CSMD1: variants seen among roughly 807,000 people sequenced by gnomAD.
The protein encoded by CSMD1 is CUB and sushi domain-containing protein 1.
CSMD1 carries 213 observed loss-of-function variants against 417.5 expected under a neutral mutation model. The observed-to-expected ratio is 0.51, with a 90% CI of 0.46 to 0.57. The LOEUF is 0.57. Among genes scored for constraint, CSMD1 ranks in the 20% least tolerant of loss-of-function variants. The probability of loss-of-function intolerance (pLI) is 0.00; values close to 1 mark genes in which losing one functional copy is unlikely to be tolerated. For missense variants in CSMD1, 6,923 were observed against 4,529.7 expected (o/e 1.53, Z -15.17); for synonymous variants, 2,862 against 1,736.8 (o/e 1.65, Z -16.11).
At chr8:3,640,412 A>C (rs139024269) in intron 7 of CSMD1, among the ~76,000 whole-genome samples, 2 of 152,214 alleles carry the variant, frequency 1.3e-5, no homozygotes, top group Non-Finnish European at 2.9e-5. Context: ...GGTACATTGT[A>C]AAGACCAGAG....
intron 6 of CSMD1, among the ~76,000 whole-genome samples, chr8:3,733,755 A>G (rs73187246): frequency 0.081 from 12,311 of 152,106 alleles, 622 homozygotes; most frequent in African/African-American, 0.11. Context: ...AGTAACCCTT[A>G]TTTTACTTGT....
chr8:3,249,606 A>G (rs1800124316), intron 26 of CSMD1, among the ~76,000 whole-genome samples: 1 of 152,206 alleles, frequency 6.6e-6, no homozygotes, highest in African/African-American at 2.4e-5. Flanking sequence ...AAATACACAC[A>G]CACACATATA....
intron 5 of CSMD1, among the ~76,000 whole-genome samples, chr8:3,983,313 G>A (rs1041919304): frequency 1.3e-5 from 2 of 151,926 alleles, no homozygotes; most frequent in African/African-American, 2.4e-5. Context: ...TGTATTTTTA[G>A]TAGAGATGGG....
intron 2 of CSMD1, among the ~76,000 whole-genome samples, chr8:4,445,002 T>A (rs1798698628): frequency 6.6e-6 from 1 of 152,214 alleles, no homozygotes; most frequent in African/African-American, 2.4e-5. Flanking sequence ...TGCATTTGAT[T>A]TTCAGGTGTT....
intron 7 of CSMD1, among the ~76,000 whole-genome samples, chr8:3,622,089 C>G (rs551123451): frequency 2.0e-5 from 3 of 152,196 alleles, no homozygotes; most frequent in Admixed American, 6.6e-5. Flanking sequence ...TTTTCACAGT[C>G]TGCACTATGT....
intron 27 of CSMD1, among the ~76,000 whole-genome samples, chr8:3,226,296 G>A (rs1347233625): frequency 6.6e-6 from 1 of 152,046 alleles, no homozygotes; most frequent in Non-Finnish European, 1.5e-5. Context: ...GAATAAGGAA[G>A]TTGAAGCCGA....
chr8:3,603,631 T>C (rs1801468220), intron 8 of CSMD1, among the ~76,000 whole-genome samples: 1 of 152,206 alleles, frequency 6.6e-6, no homozygotes, highest in Non-Finnish European at 1.5e-5. Flanking sequence ...ACGGATTATG[T>C]CACAAAGGGG....
At chr8:4,236,667 CTTAT>C (rs1391160586) in intron 3 of CSMD1, among the ~76,000 whole-genome samples, 6 of 152,110 alleles carry the variant, frequency 3.9e-5, no homozygotes, top group Non-Finnish European at 2.9e-5. Flanking sequence ...GAATTGCATG[CTTAT>C]TTAAACTCTT....
intron 2 of CSMD1, among the ~76,000 whole-genome samples, chr8:4,573,133 G>A (rs905044943): frequency 8.5e-5 from 13 of 152,084 alleles, no homozygotes; most frequent in African/African-American, 2.4e-4. Context: ...TTCATCAAAC[G>A]CATTCCCTGT....
chr8:4,633,394 C>T (rs1023022114), intron 2 of CSMD1, among the ~76,000 whole-genome samples: 126 of 151,820 alleles, frequency 8.3e-4, no homozygotes, highest in African/African-American at 2.9e-3. Context: ...CTACAGGCGC[C>T]CACCACCACG....
At chr8:4,582,826 A>G (rs914854564) in intron 2 of CSMD1, among the ~76,000 whole-genome samples, 2 of 152,164 alleles carry the variant, frequency 1.3e-5, no homozygotes, top group African/African-American at 4.8e-5. Flanking sequence ...GGAGGTGTGG[A>G]GGGAGAGGCG....
In CSMD1 at chr8:4,420,005, C is replaced by A. The variant is rs542060953; in HGVS notation, c.363G>T (p.Trp121Cys). 5 of 1,589,010 alleles carry A rather than the reference C, an allele frequency of 3.1e-6. No individual in the cohort carries two copies. The highest frequency in any genetic ancestry group is 4.3e-6 in the Non-Finnish European group (5 of 1,166,706). Residue 121 changes from tryptophan to cysteine, a missense_variant, in exon 3 of 70, where the codon TGG becomes TGT. By Grantham distance (215) the Trp-to-Cys change is radical (BLOSUM62 -2). Coordinates refer to ENST00000635120, the MANE Select transcript of CSMD1 (RefSeq NM_033225.6). ...IVSTGSILTL[W>C]FTTDFAVSAQ... ...CACTCACAGCGAAGTCTGTCGTGAA[C>A]CACAGAGTGAGGATAGATCCTGTAC...
chr8:4,253,887 C>T (rs1336244364), intron 3 of CSMD1, among the ~76,000 whole-genome samples: 2 of 146,622 alleles, frequency 1.4e-5, no homozygotes, highest in Non-Finnish European at 3.0e-5. Flanking sequence ...AGAGACACTA[C>T]GTTCGTTATT....
At chr8:4,895,598 G>T (rs17071773) in intron 1 of CSMD1, among the ~76,000 whole-genome samples, 5,894 of 151,986 alleles carry the variant, frequency 0.039, 167 homozygotes, top group Non-Finnish European at 0.053. Context: ...GTTATTCGGG[G>T]GCTTCTTTTT....
intron 5 of CSMD1, among the ~76,000 whole-genome samples, chr8:3,767,524 C>G (rs548031036): frequency 6.9e-4 from 105 of 152,342 alleles, no homozygotes; most frequent in African/African-American, 2.4e-3. Flanking sequence ...AGATTATGCT[C>G]TGATCCTCAC....
chr8:3,499,914 C>T (rs561982023), intron 10 of CSMD1, among the ~76,000 whole-genome samples: 6 of 152,076 alleles, frequency 3.9e-5, no homozygotes, highest in African/African-American at 1.4e-4. Flanking sequence ...AAGAGAGGAA[C>T]CCGGTGTGAG....
intron 12 of CSMD1, among the ~76,000 whole-genome samples, chr8:3,426,442 C>A (rs1370733170): frequency 6.6e-6 from 1 of 152,138 alleles, no homozygotes; most frequent in Admixed American, 6.6e-5. Flanking sequence ...ATAGGAACAT[C>A]ACTTTTCAAA....
chr8:3,815,423 T>C lies in CSMD1; in HGVS notation c.819-61381A>G, dbSNP rs144218848. ...AATGAATTGAGATTAATTATATTGA[T>C]AGTATAATACACTGACAGATATTGT... On this transcript the variant is annotated intron_variant, in intron 5 of 69. Transcript: ENST00000635120. Among the ~76,000 whole-genome samples the C allele has an allele frequency of 9.4e-4, 143 of 152,306 alleles. 1 individual carries two copies. Among genetic ancestry groups the C allele is most frequent in the Non-Finnish European group, 1.7e-3 (117 of 68,022 alleles).
intron 9 of CSMD1, among the ~76,000 whole-genome samples, chr8:3,579,342 A>C: frequency 1.9e-5 from 1 of 53,268 alleles, no homozygotes; most frequent in Non-Finnish European, 4.7e-5. Flanking sequence ...TTACTTAATA[A>C]AAGTAATAAC....
Sources: allele counts gnomAD v4.1 joint callset (sites outside exome capture counted in the v4.1 genomes callset), GRCh38; gene constraint gnomAD v4.1.1; transcripts MANE v1.5; gene names NCBI Gene and HGNC (gene_info 2026-07-23, HGNC 2026-07-21).